The following MARCHF3 variants were observed in gnomAD, a reference collection of about 807,000 sequenced individuals.
The protein encoded by MARCHF3 is membrane associated ring-CH-type finger 3, also known as E3 ubiquitin-protein ligase MARCHF3.
Under a neutral mutation model 24.2 loss-of-function variants are expected in MARCHF3, and 13 were observed. The ratio of observed to expected loss-of-function variants is 0.54; its 90% CI spans 0.35 to 0.85. MARCHF3 has a LOEUF of 0.85. Ranked by LOEUF, MARCHF3 falls within the 40% of genes least tolerant of loss-of-function variation. The probability of loss-of-function intolerance (pLI) is 0.01; values close to 1 mark genes in which losing one functional copy is unlikely to be tolerated. For missense variants in MARCHF3, 276 were observed against 325.0 expected (o/e 0.85, Z 1.16); for synonymous variants, 144 against 137.3 (o/e 1.05, Z -0.34).
At chr5:126,935,529 G>T (rs1481700077) in intron 1 of MARCHF3, among the ~76,000 whole-genome samples, 2 of 142,956 alleles carry the variant, frequency 1.4e-5, no homozygotes, top group Non-Finnish European at 3.0e-5. Context: ...TATTGGTTCT[G>T]TTTCTGTGCA....
intron 3 of MARCHF3, among the ~76,000 whole-genome samples, chr5:126,889,448 C>T (rs1753604877): frequency 6.6e-6 from 1 of 151,976 alleles, no homozygotes; most frequent in African/African-American, 2.4e-5. Flanking sequence ...CTGTGTCCCT[C>T]AGGTGTAGTG....
intron 1 of MARCHF3, among the ~76,000 whole-genome samples, chr5:127,023,923 G>A (rs1254302792): frequency 1.3e-5 from 2 of 152,112 alleles, no homozygotes; most frequent in African/African-American, 4.8e-5. Context: ...TTAGTCACCT[G>A]CATTGGATGA....
intron 1 of MARCHF3, among the ~76,000 whole-genome samples, chr5:127,016,770 A>G (rs1226720238): frequency 1.3e-5 from 2 of 152,318 alleles, no homozygotes; most frequent in East Asian, 1.9e-4. Flanking sequence ...TATATACCCA[A>G]AGGATTATAA....
chr5:126,915,232 C>T, intron 2 of MARCHF3, 98 bp from the exon 3 acceptor site: 2 of 1,012,274 alleles, frequency 2.0e-6, no homozygotes, highest in South Asian at 2.8e-5. Context: ...TCCCCAGAGG[C>T]AGCTGCTTTA....
chr5:126,935,055 T>C (rs769367918), intron 1 of MARCHF3, among the ~76,000 whole-genome samples: 4 of 152,198 alleles, frequency 2.6e-5, no homozygotes, highest in Admixed American at 6.5e-5. Context: ...CTGGTTCAAA[T>C]AGTCACATGT....
chr5:126,949,498 C>T (rs1750141269), intron 1 of MARCHF3, among the ~76,000 whole-genome samples: 1 of 152,184 alleles, frequency 6.6e-6, no homozygotes, highest in African/African-American at 2.4e-5. Context: ...TTTATCTTTG[C>T]ATTCCTGGAC....
intron 1 of MARCHF3, among the ~76,000 whole-genome samples, chr5:126,983,415 T>A (rs1751455744): frequency 6.6e-6 from 1 of 152,084 alleles, no homozygotes; most frequent in Non-Finnish European, 1.5e-5. Context: ...ACTGGTCACT[T>A]CCTCAGCACA....
intron 1 of MARCHF3, among the ~76,000 whole-genome samples, chr5:126,937,627 G>T (rs1749690416): frequency 6.6e-6 from 1 of 152,150 alleles, no homozygotes; most frequent in African/African-American, 2.4e-5. Flanking sequence ...AGCACCATAA[G>T]TTAGTGGAAG....
intron 1 of MARCHF3, among the ~76,000 whole-genome samples, chr5:126,960,468 T>G (rs1234902147): frequency 6.6e-6 from 1 of 152,162 alleles, no homozygotes; most frequent in Non-Finnish European, 1.5e-5. Context: ...TGAAATGATA[T>G]TCAATACCCT....
intron 1 of MARCHF3, among the ~76,000 whole-genome samples, chr5:126,953,299 T>C (rs896959667): frequency 6.6e-6 from 1 of 152,194 alleles, no homozygotes; most frequent in African/African-American, 2.4e-5. Flanking sequence ...TCAAACTTCA[T>C]GTTGTAATTC....
At chr5:126,906,433 A>G (rs1365623442) in intron 3 of MARCHF3, among the ~76,000 whole-genome samples, 1 of 152,184 alleles carries the variant, frequency 6.6e-6, no homozygotes, top group Non-Finnish European at 1.5e-5. Flanking sequence ...TTCGGCTGTG[A>G]ATCCATCTGG....
chr5:127,004,172 C>A (rs547976468), intron 1 of MARCHF3, among the ~76,000 whole-genome samples: 1 of 152,242 alleles, frequency 6.6e-6, no homozygotes, highest in South Asian at 2.1e-4. Context: ...TAATAGAAAC[C>A]AAAATTTACC....
chr5:126,936,781 A>G (rs2126807125), intron 1 of MARCHF3, among the ~76,000 whole-genome samples: 1 of 152,342 alleles, frequency 6.6e-6, no homozygotes, highest in African/African-American at 2.4e-5. Flanking sequence ...CCAAAACTCA[A>G]AAAAGCACAT....
chr5:126,931,342 C>G lies in MARCHF3; in HGVS notation c.-56-13115G>C, dbSNP rs187530113. Among the ~76,000 whole-genome samples, 24 of 152,172 alleles carry G rather than the reference C, an allele frequency of 1.6e-4. No individual in the cohort carries two copies. The East Asian group carries it at 4.6e-3, about 29-fold the overall frequency. The stretch of plus-strand genomic sequence containing the variant: ...TGACTCTGTAAGTGGAGGACTTTCA[C>G]GCATTTTGAAAAAGAGCAAATACTT... On this transcript the variant is annotated intron_variant, in intron 1 of 4. Transcript: ENST00000308660.
chr5:126,917,784 A>G (rs998048638), intron 2 of MARCHF3, among the ~76,000 whole-genome samples, 200 bp downstream of exon 2: 1 of 152,054 alleles, frequency 6.6e-6, no homozygotes, highest in Non-Finnish European at 1.5e-5. Flanking sequence ...AAATCTTGAT[A>G]AGGTGAATTT....
chr5:126,937,634 G>C (rs1183801322), intron 1 of MARCHF3, among the ~76,000 whole-genome samples: 1 of 152,170 alleles, frequency 6.6e-6, no homozygotes, highest in African/African-American at 2.4e-5. Context: ...TAAGTTAGTG[G>C]AAGAACCTGA....
chr5:126,880,882 C>T (rs1469025723), intron 3 of MARCHF3, among the ~76,000 whole-genome samples: 1 of 152,190 alleles, frequency 6.6e-6, no homozygotes, highest in African/African-American at 2.4e-5. Context: ...CACAGAAACA[C>T]TGACCTCATT....
chr5:126,961,224 A>G (rs1750626491), intron 1 of MARCHF3, among the ~76,000 whole-genome samples: 1 of 152,150 alleles, frequency 6.6e-6, no homozygotes, highest in Non-Finnish European at 1.5e-5. Context: ...CCTTCCTACA[A>G]TTCCCTCCCC....
intron 1 of MARCHF3, among the ~76,000 whole-genome samples, chr5:127,015,363 G>T (rs540631044): frequency 6.6e-6 from 1 of 152,162 alleles, no homozygotes; most frequent in Admixed American, 6.5e-5. Flanking sequence ...AAGGTCGAGG[G>T]AAGATGAGCA....
Sources: allele counts gnomAD v4.1 joint callset (sites outside exome capture counted in the v4.1 genomes callset), GRCh38; gene constraint gnomAD v4.1.1; transcripts MANE v1.5; gene names NCBI Gene and HGNC (gene_info 2026-07-23, HGNC 2026-07-21).